The following BACE2 variants were observed in gnomAD, a reference collection of about 807,000 sequenced individuals.
BACE2 encodes beta-secretase 2, also known as 56 kDa aspartic-like protease.
A neutral mutation model predicts 46.2 loss-of-function variants in BACE2; 17 were observed. The ratio of observed to expected loss-of-function variants is 0.37; its 90% CI spans 0.25 to 0.55. BACE2 has a LOEUF of 0.55. Ranked by LOEUF, BACE2 falls within the 20% of genes least tolerant of loss-of-function variation. BACE2 has a pLI of 0.82. For missense variants in BACE2, 595 were observed against 698.1 expected (o/e 0.85, Z 1.66); for synonymous variants, 277 against 295.9 (o/e 0.94, Z 0.66).
At chr21:41,260,918 A>T (rs1368635710) in intron 8 of BACE2, among the ~76,000 whole-genome samples, 1 of 152,090 alleles carries the variant, frequency 6.6e-6, no homozygotes, top group Non-Finnish European at 1.5e-5. Context: ...ATTTATAGGA[A>T]TGCTGTGGTA....
chr21:41,229,551 G>A (rs115128309), intron 2 of BACE2, among the ~76,000 whole-genome samples: 22 of 152,258 alleles, frequency 1.4e-4, no homozygotes, highest in South Asian at 4.1e-4. Context: ...ACATCCTTTC[G>A]CTATGCAGAG....
At chr21:41,236,363 G>A (rs927907314) in intron 2 of BACE2, among the ~76,000 whole-genome samples, 3 of 152,162 alleles carry the variant, frequency 2.0e-5, no homozygotes, top group Admixed American at 2.0e-4. Context: ...CCCCTTGCCT[G>A]CTTTGTTCCC....
At chr21:41,240,024 G>A (rs117142663) in intron 3 of BACE2, among the ~76,000 whole-genome samples, 25 of 152,356 alleles carry the variant, frequency 1.6e-4, no homozygotes, top group Non-Finnish European at 2.6e-4. Flanking sequence ...CTCTCCGTGC[G>A]ACATTTTATC....
At chr21:41,253,210 G>A (rs921499741) in intron 7 of BACE2, among the ~76,000 whole-genome samples, 3 of 152,118 alleles carry the variant, frequency 2.0e-5, no homozygotes, top group Non-Finnish European at 2.9e-5. Flanking sequence ...GGGAGGCTGA[G>A]GAGGGTGAAT....
At chr21:41,179,224 G>A in intron 1 of BACE2, 3 of 1,290,394 alleles carry the variant, frequency 2.3e-6, no homozygotes, top group Non-Finnish European at 3.0e-6. Flanking sequence ...TGTCCAGGAT[G>A]AGGAGTGAGG....
intron 2 of BACE2, among the ~76,000 whole-genome samples, chr21:41,236,875 C>T (rs946598995): frequency 6.6e-6 from 1 of 152,160 alleles, no homozygotes; most frequent in African/African-American, 2.4e-5. Flanking sequence ...GGTGGCCAAA[C>T]AAAGCACCTG....
chr21:41,265,437 C>T (rs746040897), intron 8 of BACE2, among the ~76,000 whole-genome samples: 3 of 152,092 alleles, frequency 2.0e-5, no homozygotes, highest in South Asian at 4.1e-4. Context: ...TTATATTCAT[C>T]GATACCTGGC....
At chr21:41,270,270 G>A (rs1181713393) in intron 8 of BACE2, among the ~76,000 whole-genome samples, 2 of 151,946 alleles carry the variant, frequency 1.3e-5, no homozygotes, top group Non-Finnish European at 2.9e-5. Flanking sequence ...AAATATTTTT[G>A]CCAAGTCTTT....
chr21:41,234,707 A>C (rs144392055), intron 2 of BACE2, among the ~76,000 whole-genome samples: 362 of 152,358 alleles, frequency 2.4e-3, no homozygotes, highest in African/African-American at 8.4e-3. Context: ...TTGCTATTCA[A>C]CATAAGCGTG....
At chr21:41,198,427 C>T (rs183457979) in intron 1 of BACE2, among the ~76,000 whole-genome samples, 73 of 152,270 alleles carry the variant, frequency 4.8e-4, no homozygotes, top group African/African-American at 1.8e-3. Context: ...TGAGTTGAGT[C>T]GTAGTGTATC....
intron 1 of BACE2, among the ~76,000 whole-genome samples, chr21:41,197,513 T>A (rs1985782376): frequency 6.6e-6 from 1 of 152,164 alleles, no homozygotes; most frequent in African/African-American, 2.4e-5. Flanking sequence ...CTGAGGATGA[T>A]AGCTGTACAT....
rs1282990265 is a variant in BACE2 at position 41,237,735 on chromosome 21, G to T, written c.618+6G>T. ...CTTATGCCACACTTGCCAAGGTAAG[G>T]CTAATCCATGGATTTAAGGAAATCA... On this transcript the variant is annotated splice_donor_region_variant and intron_variant, in intron 3 of 8. Coordinates refer to ENST00000330333, the MANE Select transcript of BACE2 (RefSeq NM_012105.5). The T allele has an allele frequency of 6.2e-7, 1 of 1,606,460 alleles. No individual in the cohort carries two copies. The highest frequency in any genetic ancestry group is 8.5e-7 in the Non-Finnish European group (1 of 1,173,112).
In BACE2 at chr21:41,224,917, G is replaced by A. The variant is rs376564370; in HGVS notation, c.313-1349G>A. Among the ~76,000 whole-genome samples the A allele has an allele frequency of 7.9e-5, 12 of 152,330 alleles. 1 individual carries two copies. Among genetic ancestry groups the A allele is most frequent in the East Asian group, 3.9e-4 (2 of 5,184 alleles). ...TGGACCCACATAGCAGACGTGTTCA[G>A]CAATTTTCTTTAAAACAGTAAAAAT... is the stretch of plus-strand genomic sequence containing the variant. On this transcript the variant is annotated intron_variant, in intron 1 of 8. Transcript: ENST00000330333.
chr21:41,235,530 A>G (rs1404849965), intron 2 of BACE2, among the ~76,000 whole-genome samples: 3 of 152,212 alleles, frequency 2.0e-5, no homozygotes, highest in African/African-American at 7.2e-5. Flanking sequence ...TATGAGATAT[A>G]CCAAGAATGA....
At chr21:41,245,259 T>C (rs1987432577) in intron 5 of BACE2, among the ~76,000 whole-genome samples, 1 of 152,254 alleles carries the variant, frequency 6.6e-6, no homozygotes, top group African/African-American at 2.4e-5. Context: ...ATGTGACTCA[T>C]GGATTTGCCT....
At position 41,275,546 on chromosome 21, in the gene BACE2, G is replaced by A. The variant is rs767714097; in HGVS notation, c.1479G>A (p.Pro493=). 8.1e-6 allele frequency: 13 copies of A among 1,613,942 alleles called. No homozygotes were observed. The highest frequency in any genetic ancestry group is 2.2e-5 in the East Asian group (1 of 44,882). ...LLVLIVLLLL[P]FRCQRRPRDP... ...TCTTAATCGTCCTGCTGCTGCTGCC[G>A]TTCCGGTGTCAGCGTCGCCCCCGTG... The change falls in exon 9 of 9, where the codon CCG becomes CCA. Residue 493 remains proline (P), a synonymous_variant. Transcript: ENST00000330333.
chr21:41,270,654 C>T (rs1411840725), intron 8 of BACE2, among the ~76,000 whole-genome samples: 2 of 152,146 alleles, frequency 1.3e-5, no homozygotes, highest in East Asian at 3.8e-4. Context: ...CTAATATAAC[C>T]TCAGTGTGGG....
chr21:41,239,644 T>C (rs971330899), intron 3 of BACE2, among the ~76,000 whole-genome samples: 2 of 152,188 alleles, frequency 1.3e-5, no homozygotes, highest in African/African-American at 4.8e-5. Context: ...TCTCAAAGTG[T>C]TGGGATTGTG....
intron 1 of BACE2, among the ~76,000 whole-genome samples, chr21:41,219,415 G>A (rs1986571054): frequency 6.6e-6 from 1 of 152,160 alleles, no homozygotes; most frequent in Non-Finnish European, 1.5e-5. Flanking sequence ...GATAGGATGA[G>A]GAAAAATGTG....
Sources: allele counts gnomAD v4.1 joint callset (sites outside exome capture counted in the v4.1 genomes callset), GRCh38; gene constraint gnomAD v4.1.1; transcripts MANE v1.5; gene names NCBI Gene and HGNC (gene_info 2026-07-23, HGNC 2026-07-21).